The following ESRRB variants were observed in gnomAD, a reference collection of about 807,000 sequenced individuals.
ESRRB encodes the protein estrogen related receptor beta.
A neutral mutation model predicts 46.0 loss-of-function variants in ESRRB; 16 were observed. The ratio of observed to expected loss-of-function variants is 0.35; its 90% CI spans 0.24 to 0.53. ESRRB has a LOEUF of 0.53. Among genes scored for constraint, ESRRB ranks in the 20% least tolerant of loss-of-function variants. ESRRB has a pLI of 0.93. For synonymous variants in ESRRB, 246 were observed against 259.6 expected (o/e 0.95, Z 0.50); for missense variants, 488 against 607.4 (o/e 0.80, Z 2.07).
chr14:76,315,121 C>T (rs1220862486), intron 1 of ESRRB, among the ~76,000 whole-genome samples: 5 of 152,090 alleles, frequency 3.3e-5, no homozygotes, highest in African/African-American at 1.2e-4. Flanking sequence ...GTGCTTCAAG[C>T]TCAGTGCCCT....
chr14:76,455,544 GGTT>G (rs1348402792), intron 2 of ESRRB, among the ~76,000 whole-genome samples: 2 of 152,046 alleles, frequency 1.3e-5, no homozygotes, highest in Non-Finnish European at 2.9e-5. Flanking sequence ...TTTTCTCATG[GGTT>G]GTATTCCCTG....
At chr14:76,417,687 C>T (rs1451096771) in intron 1 of ESRRB, among the ~76,000 whole-genome samples, 1 of 152,158 alleles carries the variant, frequency 6.6e-6, no homozygotes, top group Non-Finnish European at 1.5e-5. Context: ...ATCTTTTTGG[C>T]TCTTGACAGG....
chr14:76,500,333 G>A lies in ESRRB; in HGVS notation c.*1875G>A. 1.7e-6 allele frequency: 1 copy of A among 587,688 alleles called. No homozygotes were observed. The highest frequency in any genetic ancestry group is 3.0e-6 in the Non-Finnish European group (1 of 330,992). 36.4% of individuals were successfully genotyped at this position (587,688 alleles called of 1,614,324 possible). On this transcript the variant is annotated 3_prime_UTR_variant, in exon 7 of 7. Coordinates refer to ENST00000644823, the MANE Select transcript of ESRRB (RefSeq NM_001379180.1). Reference sequence around the variant, plus strand: ...GGGAATCGGGTCTGAGTCACTTGATGAGTAGGCACTGGAGCCGTTACCCAG... The same window carrying A: ...GGGAATCGGGTCTGAGTCACTTGATAAGTAGGCACTGGAGCCGTTACCCAG...
At chr14:76,433,483 T>G (rs1006747577) in intron 1 of ESRRB, among the ~76,000 whole-genome samples, 10 of 152,134 alleles carry the variant, frequency 6.6e-5, no homozygotes, top group African/African-American at 2.4e-4. Context: ...CACGCCCCCT[T>G]CTCATCAAAG....
rs114951363 is a variant in ESRRB, at chr14:76,500,595, G to A, written c.*2137G>A. 1 of 1,209,064 alleles carries A rather than the reference G, an allele frequency of 8.3e-7. No individual in the cohort carries two copies. Among genetic ancestry groups the A allele is most frequent in the East Asian group, 2.3e-5 (1 of 43,034 alleles). 74.9% of individuals were successfully genotyped at this position (1,209,064 alleles called of 1,614,324 possible). A position where few individuals can be genotyped will look rare whatever the true frequency, so the allele number is the denominator to read the frequency against. On this transcript the variant is annotated 3_prime_UTR_variant, in exon 7 of 7. Coordinates refer to ENST00000644823, the MANE Select transcript of ESRRB (RefSeq NM_001379180.1). Reference sequence around the variant, plus strand: ...TCACTGTGCTGTGTCCTTGCAGCGGGGCCGAGGTAGCACCCTGCTCTGTCA... The same window carrying A: ...TCACTGTGCTGTGTCCTTGCAGCGGAGCCGAGGTAGCACCCTGCTCTGTCA...
intron 1 of ESRRB, among the ~76,000 whole-genome samples, chr14:76,419,377 G>T (rs1177608450): frequency 6.6e-6 from 1 of 152,206 alleles, no homozygotes; most frequent in Non-Finnish European, 1.5e-5. Flanking sequence ...GGGACACGGT[G>T]CTGGGTTCAG....
chr14:76,474,891 C>T (rs1889513229), intron 3 of ESRRB, among the ~76,000 whole-genome samples: 1 of 151,758 alleles, frequency 6.6e-6, no homozygotes, highest in African/African-American at 2.4e-5. Context: ...AGTTCAAGTC[C>T]AGCCTGGGCA....
intron 1 of ESRRB, among the ~76,000 whole-genome samples, chr14:76,435,215 T>C (rs1415571949): frequency 6.6e-6 from 1 of 152,142 alleles, no homozygotes; most frequent in Non-Finnish European, 1.5e-5. Context: ...TGGAAGGAAT[T>C]TCAACCCAGA....
intron 1 of ESRRB, among the ~76,000 whole-genome samples, chr14:76,323,156 C>T (rs1388762097): frequency 1.3e-5 from 2 of 152,124 alleles, no homozygotes; most frequent in African/African-American, 2.4e-5. Flanking sequence ...GCCACAGTGT[C>T]ACATTGAAAA....
intron 1 of ESRRB, among the ~76,000 whole-genome samples, chr14:76,435,817 T>A (rs1887650557): frequency 6.6e-6 from 1 of 152,140 alleles, no homozygotes; most frequent in Non-Finnish European, 1.5e-5. Context: ...GGTGACACAG[T>A]GAGACTCCGT....
intron 1 of ESRRB, among the ~76,000 whole-genome samples, chr14:76,416,879 T>G (rs1281741837): frequency 6.6e-6 from 1 of 152,198 alleles, no homozygotes; most frequent in Non-Finnish European, 1.5e-5. Context: ...AACTTAACCT[T>G]AGGTGGACAG....
At chr14:76,397,593 G>A (rs1885746591) in intron 1 of ESRRB, among the ~76,000 whole-genome samples, 1 of 152,094 alleles carries the variant, frequency 6.6e-6, no homozygotes, top group Non-Finnish European at 1.5e-5. Context: ...CAAAATTTGG[G>A]CAAAAATTGA....
intron 1 of ESRRB, among the ~76,000 whole-genome samples, chr14:76,411,495 T>C (rs1886440384): frequency 6.6e-6 from 1 of 151,870 alleles, no homozygotes; most frequent in Non-Finnish European, 1.5e-5. Context: ...TTTACTACGG[T>C]CTCCTTCAGT....
intron 6 of ESRRB, among the ~76,000 whole-genome samples, chr14:76,493,401 C>T (rs952298333): frequency 1.3e-5 from 2 of 152,144 alleles, no homozygotes; most frequent in Middle Eastern, 3.2e-3. Flanking sequence ...GTGATCCACC[C>T]GCCTTGGCAT....
chr14:76,476,243 A>G (rs1388299350), intron 3 of ESRRB, among the ~76,000 whole-genome samples: 1 of 152,168 alleles, frequency 6.6e-6, no homozygotes, highest in Non-Finnish European at 1.5e-5. Context: ...TTTGACCTGT[A>G]CACATTAAGG....
chr14:76,418,605 T>C (rs1016161704), intron 1 of ESRRB, among the ~76,000 whole-genome samples: 1 of 152,166 alleles, frequency 6.6e-6, no homozygotes, highest in Non-Finnish European at 1.5e-5. Flanking sequence ...CTTGACAGTT[T>C]TTGTTTGATT....
intron 1 of ESRRB, among the ~76,000 whole-genome samples, chr14:76,393,294 C>T (rs963003415): frequency 2.6e-5 from 4 of 152,144 alleles, no homozygotes; most frequent in African/African-American, 9.7e-5. Context: ...GTGCTCCCTC[C>T]GTAGCTCCAG....
intron 1 of ESRRB, among the ~76,000 whole-genome samples, chr14:76,403,875 C>T (rs185778485): frequency 4.9e-4 from 74 of 152,248 alleles, no homozygotes; most frequent in African/African-American, 1.5e-3. Flanking sequence ...CCCTCCACCA[C>T]GCCCGGCTAA....
At chr14:76,474,830 C>CAA (rs1382656779) in intron 3 of ESRRB, among the ~76,000 whole-genome samples, 1 of 149,750 alleles carries the variant, frequency 6.7e-6, no homozygotes, top group African/African-American at 2.5e-5. Context: ...CAAAACAAAA[C>CAA]AAAACAAAAC....
Sources: gnomAD v4.1 joint callset for allele counts (sites outside exome capture counted in the v4.1 genomes callset) on GRCh38, gnomAD v4.1.1 for gene constraint, MANE v1.5 for transcripts, NCBI Gene and HGNC (gene_info 2026-07-23, HGNC 2026-07-21) for gene names.